The following TNRC6A variants were observed in gnomAD, a reference collection of about 807,000 sequenced individuals.
TNRC6A encodes trinucleotide repeat containing adaptor 6A, also known as trinucleotide repeat-containing gene 6A protein.
TNRC6A carries 44 observed loss-of-function variants against 221.2 expected under a neutral mutation model. The observed-to-expected ratio is 0.20, with a 90% confidence interval of 0.16 to 0.26. The LOEUF (loss-of-function observed/expected upper bound fraction) is 0.26, where lower values mean the gene tolerates loss of function less well. Among genes scored for constraint, TNRC6A ranks in the 10% least tolerant of loss-of-function variants. The pLI is 1.00. For synonymous variants in TNRC6A, 847 were observed against 838.5 expected (o/e 1.01, Z -0.18); for missense variants, 2,199 against 2,404.4 (o/e 0.91, Z 1.79).
At position 24,789,497 on chromosome 16, in the gene TNRC6A, T is replaced by C; in HGVS notation, c.855T>C (p.Asn285=). 1 of 1,614,190 alleles carries C rather than the reference T, an allele frequency of 6.2e-7. No homozygotes were observed. The highest frequency in any genetic ancestry group is 1.1e-5 in the South Asian group (1 of 91,078). Residue 285 remains asparagine, a synonymous_variant, in exon 6 of 25, where the codon AAT becomes AAC. Transcript: ENST00000395799. The part of the protein sequence containing the change: ...NTGGEKDGLR[N]STGLGSQNKF... ...GTGGTGAAAAAGATGGCCTTCGGAA[T>C]AGCACTGGACTTGGTTCCCAAAACA...
chr16:24,801,386 G>C (rs78421994), intron 11 of TNRC6A, among the ~76,000 whole-genome samples: 1,952 of 152,304 alleles, frequency 0.013, 52 homozygotes, highest in African/African-American at 0.045. Context: ...GGATTTGACA[G>C]TGGGGCTCAG....
At chr16:24,617,338 A>G (rs892628093) in intron 1 of TNRC6A, among the ~76,000 whole-genome samples, 10 of 152,118 alleles carry the variant, frequency 6.6e-5, no homozygotes, top group African/African-American at 2.4e-4. Flanking sequence ...TACGTTGCCC[A>G]GGCTGGTCTT....
intron 2 of TNRC6A, among the ~76,000 whole-genome samples, chr16:24,679,731 C>G (rs746993120): frequency 1.3e-5 from 2 of 152,182 alleles, no homozygotes; most frequent in Non-Finnish European, 2.9e-5. Context: ...CCCGCCTCGG[C>G]CTCCCAAAGT....
rs140888747 is a variant in TNRC6A, at chr16:24,682,479, C to T, written n.402+41470C>T. Among the ~76,000 whole-genome samples, 305 of 151,422 alleles carry T rather than the reference C, an allele frequency of 2.0e-3. 2 individuals are homozygous for T. The highest frequency in any genetic ancestry group is 7.0e-3 in the African/African-American group (288 of 41,178). On this transcript the variant is annotated intron_variant and non_coding_transcript_variant, in intron 2 of 2. Transcript: ENST00000566108. ...CTGGACTCAAGCGGTCTGCCTGCCTCGGCCTCCCTAAGTGCTGGGATGACA... is the reference window on the plus strand; with the variant it reads ...CTGGACTCAAGCGGTCTGCCTGCCTTGGCCTCCCTAAGTGCTGGGATGACA...
intron 2 of TNRC6A, among the ~76,000 whole-genome samples, chr16:24,665,907 G>T (rs1031875964): frequency 2.6e-5 from 4 of 152,172 alleles, no homozygotes; most frequent in African/African-American, 9.7e-5. Context: ...TGAGGTGTTG[G>T]TGGTGGTGCG....
chr16:24,797,027 A>G (rs1044523749), intron 9 of TNRC6A, among the ~76,000 whole-genome samples: 1 of 152,216 alleles, frequency 6.6e-6, no homozygotes, highest in East Asian at 1.9e-4. Flanking sequence ...TGGAAAACAC[A>G]TGGTGTTTTT....
intron 2 of TNRC6A, among the ~76,000 whole-genome samples, chr16:24,733,712 G>A (rs1010405773): frequency 6.6e-6 from 1 of 152,192 alleles, no homozygotes; most frequent in African/African-American, 2.4e-5. Flanking sequence ...GTCAGGTTGA[G>A]GAACTTGTGC....
chr16:24,789,558 C>T lies in TNRC6A; in HGVS notation c.916C>T (p.His306Tyr), dbSNP rs762577480. The change falls in exon 6 of 25, where the codon CAT becomes TAT. Residue 306 changes from histidine to tyrosine, a missense_variant. By Grantham distance (83) the His-to-Tyr change is moderately conservative. Transcript: ENST00000395799. The stretch of plus-strand genomic sequence containing the variant: ...TGGTAGCAGCAGCAATAATGTGGGC[C>T]ATGGAAGTAGTACTGGGCCATGGGG... ...VVGSSSNNVG[H>Y]GSSTGPWGFS... is the part of the protein sequence containing the mutation. 6.2e-7 allele frequency: 1 copy of T among 1,614,032 alleles called. No individual in the cohort carries two copies.
chr16:24,722,087 G>A (rs1029831001), intron 2 of TNRC6A, among the ~76,000 whole-genome samples: 11 of 152,080 alleles, frequency 7.2e-5, no homozygotes, highest in Non-Finnish European at 1.0e-4. Context: ...TGTGGTAGTC[G>A]CTACATGGGC....
chr16:24,657,660 G>A (rs537246751), intron 2 of TNRC6A, among the ~76,000 whole-genome samples: 1 of 147,690 alleles, frequency 6.8e-6, no homozygotes, highest in South Asian at 2.1e-4. Flanking sequence ...AGTGAGCTGA[G>A]ATCGTGCCAC....
chr16:24,640,445 A>G (rs1472288425), intron 1 of TNRC6A, among the ~76,000 whole-genome samples: 1 of 151,058 alleles, frequency 6.6e-6, no homozygotes, highest in Admixed American at 6.6e-5. Context: ...GAAGGGCATG[A>G]GGCTGGTCAC....
intron 2 of TNRC6A, among the ~76,000 whole-genome samples, chr16:24,743,931 T>C (rs2056947439): frequency 6.6e-6 from 1 of 152,174 alleles, no homozygotes; most frequent in South Asian, 2.1e-4. Flanking sequence ...TCTCAATAAT[T>C]CCCTTTAGAG....
chr16:24,612,937 T>C (rs1383079904), intron 1 of TNRC6A, among the ~76,000 whole-genome samples: 1 of 151,608 alleles, frequency 6.6e-6, no homozygotes, highest in East Asian at 1.9e-4. Flanking sequence ...AGGAAGGTAA[T>C]AAGATATGAT....
At chr16:24,647,500 A>G (rs1250173146) in intron 2 of TNRC6A, among the ~76,000 whole-genome samples, 1 of 152,226 alleles carries the variant, frequency 6.6e-6, no homozygotes, top group Non-Finnish European at 1.5e-5. Context: ...TATACACAAC[A>G]TAAAATTTAC....
At chr16:24,643,121 A>AT (rs1902079211) in intron 2 of TNRC6A, among the ~76,000 whole-genome samples, 2 of 135,850 alleles carry the variant, frequency 1.5e-5, no homozygotes, top group African/African-American at 5.5e-5. Context: ...ATATATATAT[A>AT]TAAAATATAT....
At chr16:24,659,577 G>A (rs1000096753) in intron 2 of TNRC6A, among the ~76,000 whole-genome samples, 1 of 152,158 alleles carries the variant, frequency 6.6e-6, no homozygotes, top group Non-Finnish European at 1.5e-5. Flanking sequence ...CAAGTAGCTG[G>A]AACTACAGGT....
chr16:24,619,122 T>C (rs1428394242), intron 1 of TNRC6A, among the ~76,000 whole-genome samples: 1 of 152,200 alleles, frequency 6.6e-6, no homozygotes, highest in Non-Finnish European at 1.5e-5. Flanking sequence ...AACAGATTGA[T>C]TTATAGCTTT....
At chr16:24,687,949 CTTTTCTTTTT>C (rs1204803804) in intron 2 of TNRC6A, among the ~76,000 whole-genome samples, 29 of 76,026 alleles carry the variant, frequency 3.8e-4, no homozygotes, top group Admixed American at 2.4e-3. Flanking sequence ...CTTTTCTTTT[CTTTTCTTTTT>C]TTTTTTTTTG....
chr16:24,739,586 C>T (rs1815958260), intron 2 of TNRC6A, among the ~76,000 whole-genome samples: 1 of 147,272 alleles, frequency 6.8e-6, no homozygotes, highest in Non-Finnish European at 1.5e-5. Context: ...TCAAGCGTTT[C>T]TCCTCCCTCA....
Sources: allele counts gnomAD v4.1 joint callset (sites outside exome capture counted in the v4.1 genomes callset), GRCh38; gene constraint gnomAD v4.1.1; transcripts MANE v1.5; gene names NCBI Gene and HGNC (gene_info 2026-07-23, HGNC 2026-07-21).